Variants in GRB14 observed in about 807,000 individuals in gnomAD.
The protein encoded by GRB14 is growth factor receptor bound protein 14.
In GRB14, 38 loss-of-function variants were observed where a neutral mutation model predicts 69.1. The ratio of observed to expected loss-of-function variants is 0.55; its 90% CI spans 0.42 to 0.72. The LOEUF (loss-of-function observed/expected upper bound fraction) is 0.72, where lower values mean the gene tolerates loss of function less well. GRB14 is among the 30% of genes least tolerant of loss of function. GRB14 has a pLI of 0.00. For missense variants in GRB14, 666 were observed against 666.1 expected (o/e 1.00, Z 0.00); for synonymous variants, 247 against 241.3 (o/e 1.02, Z -0.22).
At chr2:164,605,812 A>G (rs2105355825) in intron 2 of GRB14, among the ~76,000 whole-genome samples, 1 of 152,284 alleles carries the variant, frequency 6.6e-6, no homozygotes, top group South Asian at 2.1e-4. Context: ...TATAGATACC[A>G]ATAAAATCAG....
At chr2:164,497,137 T>G in intron 11 of GRB14, 42 bp from the exon 12 acceptor site, 1 of 1,599,482 alleles carries the variant, frequency 6.3e-7, no homozygotes. Flanking sequence ...TTGTTTGAGA[T>G]GACTGCAATT....
chr2:164,498,178 T>C (rs892772416), intron 9 of GRB14, among the ~76,000 whole-genome samples: 12 of 152,128 alleles, frequency 7.9e-5, no homozygotes, highest in African/African-American at 1.4e-4. Context: ...ATTTAACATA[T>C]GAATACATTT....
At chr2:164,600,174 C>T (rs1169275085) in intron 2 of GRB14, among the ~76,000 whole-genome samples, 1 of 152,156 alleles carries the variant, frequency 6.6e-6, no homozygotes, top group African/African-American at 2.4e-5. Context: ...CATATTTAAA[C>T]AGCGCCCCCC....
intron 2 of GRB14, chr2:164,574,002 T>C (rs1365965599): frequency 1.3e-6 from 2 of 1,528,784 alleles, no homozygotes; most frequent in Admixed American, 1.7e-5. Flanking sequence ...GCCATGAATA[T>C]TGAGAAGAAA....
intron 3 of GRB14, among the ~76,000 whole-genome samples, chr2:164,530,377 C>T (rs1687893646): frequency 6.6e-6 from 1 of 152,134 alleles, no homozygotes; most frequent in South Asian, 2.1e-4. Flanking sequence ...GACCCAAACA[C>T]CTCCCACTAG....
intron 6 of GRB14, among the ~76,000 whole-genome samples, chr2:164,514,088 A>C (rs1428946917): frequency 6.6e-6 from 1 of 152,258 alleles, no homozygotes; most frequent in East Asian, 1.9e-4. Context: ...ATGTAGACAA[A>C]TATATCTATT....
At chr2:164,574,074 G>A (rs1689185759) in intron 2 of GRB14, 25 of 984,230 alleles carry the variant, frequency 2.5e-5, no homozygotes, top group Non-Finnish European at 6.3e-6. Flanking sequence ...GGTAAATTCA[G>A]AAACTCTGGT....
At chr2:164,562,873 A>T (rs1274971820) in intron 2 of GRB14, among the ~76,000 whole-genome samples, 1 of 152,186 alleles carries the variant, frequency 6.6e-6, no homozygotes, top group African/African-American at 2.4e-5. Context: ...ATCTGCTACA[A>T]CACACTTCCT....
At chr2:164,539,468 C>T (rs1037984746) in intron 3 of GRB14, among the ~76,000 whole-genome samples, 5 of 73,926 alleles carry the variant, frequency 6.8e-5, no homozygotes, top group Non-Finnish European at 1.4e-4. Context: ...ACGGCGACTC[C>T]ATCTCGGAAA....
At chr2:164,582,419 TTA>T (rs1463971786) in intron 2 of GRB14, among the ~76,000 whole-genome samples, 17 of 99,680 alleles carry the variant, frequency 1.7e-4, no homozygotes, top group African/African-American at 8.7e-4. Flanking sequence ...ATTTATTTAT[TTA>T]TTATTTTTTT....
chr2:164,584,924 G>A (rs1415251732), intron 2 of GRB14, among the ~76,000 whole-genome samples: 1 of 151,454 alleles, frequency 6.6e-6, no homozygotes, highest in Non-Finnish European at 1.5e-5. Flanking sequence ...ATGCATTTGG[G>A]GTTGTTTTAT....
chr2:164,594,641 A>G (rs952478740), intron 2 of GRB14, among the ~76,000 whole-genome samples: 1 of 152,182 alleles, frequency 6.6e-6, no homozygotes, highest in Non-Finnish European at 1.5e-5. Flanking sequence ...ATAACTTGAC[A>G]AGCTCCAGGG....
Position 164,502,261 on chromosome 2 carries a change from T to C in GRB14, c.1098A>G (p.Ser366=), listed in dbSNP as rs1433502710. 3 of 1,587,548 alleles carry C rather than the reference T, an allele frequency of 1.9e-6. No homozygotes were observed. The South Asian group carries it at 3.3e-5, about 18-fold the overall frequency. ...GRSGCSSQSI[S]PMRSISENSL... The stretch of plus-strand genomic sequence containing the variant: ...TCAAAAATTTGGTCCTTACCATAGG[T>C]GATATGCTCTGTGAACTGCAGCCAC... The change falls in exon 9 of 14, where the codon TCA becomes TCG. Residue 366 remains serine (S), a synonymous_variant. Transcript: ENST00000263915.
chr2:164,498,652 G>C (rs966625889), intron 9 of GRB14, among the ~76,000 whole-genome samples: 2 of 152,084 alleles, frequency 1.3e-5, no homozygotes, highest in African/African-American at 4.8e-5. Context: ...CCTGCATCTG[G>C]GGCCCCCTGG....
intron 2 of GRB14, among the ~76,000 whole-genome samples, chr2:164,558,851 G>A (rs1442192791): frequency 2.6e-5 from 4 of 152,196 alleles, no homozygotes; most frequent in Non-Finnish European, 5.9e-5. Context: ...AAAACGTGAG[G>A]TGGAGAAAGA....
At chr2:164,517,736 A>C (rs998126172) in intron 6 of GRB14, among the ~76,000 whole-genome samples, 4 of 152,184 alleles carry the variant, frequency 2.6e-5, no homozygotes, top group African/African-American at 9.7e-5. Context: ...GACAAAACAG[A>C]CTTTAAAGCA....
chr2:164,616,460 TTC>T (rs1215852090), intron 2 of GRB14, among the ~76,000 whole-genome samples: 2 of 150,606 alleles, frequency 1.3e-5, no homozygotes, highest in African/African-American at 4.9e-5. Flanking sequence ...AGAATATGGA[TTC>T]TCTCTCACTC....
chr2:164,497,033 T>A lies in GRB14; in HGVS notation c.1357A>T (p.Ile453Phe), dbSNP rs1686918372. Residue 453 changes from isoleucine (I) to phenylalanine (F), a missense_variant, in exon 12 of 14, where the codon ATT (isoleucine) becomes TTT (phenylalanine). Physicochemically the swap from Ile to Phe is conservative, Grantham distance 21. Coordinates refer to ENST00000263915, the MANE Select transcript of GRB14 (RefSeq NM_004490.3). The stretch of plus-strand genomic sequence containing the variant: ...CCATCCACAAGTCCTTGCTGAATAA[T>A]CAATCGCTGAGCCTCATCTCTAGAA... ...KISRDEAQRLIIQQGLVDGVF... is the reference protein window; with the variant it reads ...KISRDEAQRLFIQQGLVDGVF... 6.2e-7 allele frequency: 1 copy of A among 1,613,754 alleles called. No homozygotes were observed. Among genetic ancestry groups the A allele is most frequent in the Admixed American group, 1.7e-5 (1 of 59,966 alleles).
chr2:164,492,926 G>T lies in GRB14; in HGVS notation c.*110C>A. Reference sequence around the variant, plus strand: ...CAAACTATTTTTTTGTAACTTGCAGGTGAAATACATTCTTTTCACATGGTA... The same window carrying T: ...CAAACTATTTTTTTGTAACTTGCAGTTGAAATACATTCTTTTCACATGGTA... On this transcript the variant is annotated 3_prime_UTR_variant, in exon 14 of 14. Coordinates refer to ENST00000263915, the MANE Select transcript of GRB14 (RefSeq NM_004490.3). 4 of 989,488 alleles carry T rather than the reference G, an allele frequency of 4.0e-6. No homozygotes were observed. The highest frequency in any genetic ancestry group is 2.1e-5 in the South Asian group (1 of 47,868). The allele number at this position is 989,488 out of a possible 1,614,324, so 61.3% of individuals were successfully genotyped here.
Sources: gnomAD v4.1 joint callset for allele counts (sites outside exome capture counted in the v4.1 genomes callset) on GRCh38, gnomAD v4.1.1 for gene constraint, MANE v1.5 for transcripts, NCBI Gene and HGNC (gene_info 2026-07-23, HGNC 2026-07-21) for gene names.